Variants in NRG3 observed in about 807,000 individuals in gnomAD.
NRG3 encodes the protein pro-neuregulin-3, membrane-bound isoform.
NRG3 carries 31 observed loss-of-function variants against 66.9 expected under a neutral mutation model. The ratio of observed to expected loss-of-function variants is 0.46; its 90% CI spans 0.35 to 0.63. The LOEUF (loss-of-function observed/expected upper bound fraction) is 0.63. Among genes scored for constraint, NRG3 ranks in the 20% least tolerant of loss-of-function variants. The pLI is 0.00. For synonymous variants in NRG3, 393 were observed against 359.4 expected (o/e 1.09, Z -1.06); for missense variants, 910 against 878.9 (o/e 1.04, Z -0.45).
rs1852591397 is a variant in NRG3, at chr10:82,979,136, G to A, written c.1583+16G>A. The A allele has an allele frequency of 2.5e-6, 4 of 1,612,672 alleles. No homozygotes were observed. The highest frequency in any genetic ancestry group is 1.7e-5 in the Admixed American group (1 of 59,918). On this transcript the variant is annotated intron_variant, in intron 8 of 8. Transcript: ENST00000372141. ...CTTGCCAAGGGTAGGTCTTAAAACA[G>A]CAGTGGAATTTAGGGAGGGTGTCTT...
At chr10:82,445,269 A>C (rs1396454370) in intron 2 of NRG3, among the ~76,000 whole-genome samples, 1 of 152,136 alleles carries the variant, frequency 6.6e-6, no homozygotes, top group Non-Finnish European at 1.5e-5. Context: ...TGGTCAGCCC[A>C]AGTACCCACA....
At chr10:82,113,748 G>A (rs2067531272) in intron 1 of NRG3, among the ~76,000 whole-genome samples, 1 of 152,090 alleles carries the variant, frequency 6.6e-6, no homozygotes, top group African/African-American at 2.4e-5. Flanking sequence ...GTTAATTTTA[G>A]GGGAAGCAAG....
rs756142257 is a variant in NRG3 at position 82,985,491 on chromosome 10, C to G, written c.1977C>G (p.Asp659Glu). The G allele has an allele frequency of 6.2e-7, 1 of 1,613,924 alleles. No homozygotes were observed. The highest frequency in any genetic ancestry group is 1.3e-5 in the African/African-American group (1 of 74,902). The change falls in exon 9 of 9, where the codon GAC becomes GAG. Residue 659 changes from aspartate to glutamate, a missense_variant. Physicochemically the swap from Asp to Glu is conservative, Grantham distance 45. Coordinates refer to ENST00000372141, the MANE Select transcript of NRG3 (RefSeq NM_001010848.4). ...AACTGGCCAGCGTAGAAACCGAGGA[C>G]AGTGCAAGCGAAAACACAGCCTTTC... Reference protein sequence around the residue: ...DYELASVETEDSASENTAFLP... With the variant: ...DYELASVETEESASENTAFLP...
rs779040062 is a variant in NRG3, at chr10:82,405,454, G to GTTTTTTTTTTTTTTTTT, written c.953+46589_953+46590insTTTTTTTTTTTTTTTTT. 2.1e-5 allele frequency among the ~76,000 whole-genome samples: 3 copies of GTTTTTTTTTTTTTTTTT among 139,920 alleles called. 1 individual carries two copies. Among genetic ancestry groups the GTTTTTTTTTTTTTTTTT allele is most frequent in the Non-Finnish European group, 3.0e-5 (2 of 66,730 alleles). The allele number at this position is 139,920 out of a possible 152,430, so 91.8% of individuals were successfully genotyped here. On this transcript the variant is annotated intron_variant, in intron 2 of 8. Coordinates refer to ENST00000372141, the MANE Select transcript of NRG3 (RefSeq NM_001010848.4). ...TTCTATCTTTGGAATGATCTCAGTA[G>GTTTTTTTTTTTTTTTTT]TTTGTTTTTTTTTTTTTTGAAATGG...
At chr10:82,353,804 T>G (rs958038748) in intron 1 of NRG3, among the ~76,000 whole-genome samples, 11 of 152,056 alleles carry the variant, frequency 7.2e-5, no homozygotes, top group African/African-American at 2.7e-4. Context: ...AACACTCCTT[T>G]ATTCTTCCTG....
At chr10:82,271,578 T>C (rs2078600120) in intron 1 of NRG3, among the ~76,000 whole-genome samples, 1 of 152,032 alleles carries the variant, frequency 6.6e-6, no homozygotes, top group Admixed American at 6.6e-5. Context: ...CATAATGTCA[T>C]GAAGTGTCTA....
chr10:82,740,239 T>TCCTC lies in NRG3; in HGVS notation c.1027+1601_1027+1604dup, dbSNP rs200229560. On this transcript the variant is annotated intron_variant, in intron 3 of 8. Coordinates refer to ENST00000372141, the MANE Select transcript of NRG3 (RefSeq NM_001010848.4). The stretch of plus-strand genomic sequence containing the variant: ...TTCTTTCTTTCCTTTCTTCCTTCCT[T>TCCTC]CCTCCCTCCCTCCCTTCTTTCCTGT... 1.6e-4 allele frequency among the ~76,000 whole-genome samples: 24 copies of TCCTC among 150,922 alleles called. 1 individual carries two copies. Among genetic ancestry groups the TCCTC allele is most frequent in the African/African-American group, 5.6e-4 (23 of 40,784 alleles).
At chr10:81,925,877 C>T (rs940764059) in intron 1 of NRG3, among the ~76,000 whole-genome samples, 11 of 152,014 alleles carry the variant, frequency 7.2e-5, no homozygotes, top group Admixed American at 2.0e-4. Flanking sequence ...ATGCTGAGCC[C>T]TGATTAAACA....
rs1221761399 is a variant in NRG3, at chr10:82,132,515, T to A, written c.824-226224T>A. Among the ~76,000 whole-genome samples the A allele has an allele frequency of 2.5e-3, 27 of 10,768 alleles. 1 individual carries two copies. The highest frequency in any genetic ancestry group is 6.9e-3 in the South Asian group (4 of 580). The allele number at this position is 10,768 out of a possible 152,430, so 7.1% of individuals were successfully genotyped here. On this transcript the variant is annotated intron_variant, in intron 1 of 8. Coordinates refer to ENST00000372141, the MANE Select transcript of NRG3 (RefSeq NM_001010848.4). ...ATGATATATATATATCATATATATA[T>A]GATATATATGATATATATATGATAT...
chr10:82,800,783 A>T (rs2061001759), intron 3 of NRG3, among the ~76,000 whole-genome samples: 3 of 152,178 alleles, frequency 2.0e-5, no homozygotes. Flanking sequence ...TCTAAATGTG[A>T]CTAGGAGTCT....
At chr10:82,916,490 C>A (rs1029259085) in intron 4 of NRG3, among the ~76,000 whole-genome samples, 2 of 152,218 alleles carry the variant, frequency 1.3e-5, no homozygotes, top group South Asian at 2.1e-4. Context: ...ATAAAAATTT[C>A]TGTACAGCAA....
chr10:82,561,927 T>C (rs1365491958), intron 2 of NRG3, among the ~76,000 whole-genome samples: 1 of 152,196 alleles, frequency 6.6e-6, no homozygotes, highest in Non-Finnish European at 1.5e-5. Flanking sequence ...GGGTAGGGCA[T>C]AGAACTATAT....
chr10:82,693,887 C>G (rs764321541), intron 2 of NRG3, among the ~76,000 whole-genome samples: 1 of 152,166 alleles, frequency 6.6e-6, no homozygotes, highest in Non-Finnish European at 1.5e-5. Context: ...GAAGGAGACC[C>G]GAGTGGGTTG....
At chr10:82,825,060 G>T (rs693467) in intron 3 of NRG3, among the ~76,000 whole-genome samples, 1 of 151,912 alleles carries the variant, frequency 6.6e-6, no homozygotes, top group Non-Finnish European at 1.5e-5. Context: ...TATGTATTAT[G>T]CATCCAAGTC....
intron 2 of NRG3, among the ~76,000 whole-genome samples, chr10:82,375,881 A>G (rs2085199383): frequency 6.6e-6 from 1 of 152,236 alleles, no homozygotes. Context: ...TTTGTATCAA[A>G]GAAAAGTGGA....
At chr10:82,554,309 G>A (rs1380041125) in intron 2 of NRG3, among the ~76,000 whole-genome samples, 9 of 152,080 alleles carry the variant, frequency 5.9e-5, no homozygotes, top group Non-Finnish European at 5.9e-5. Flanking sequence ...AATTATCAAC[G>A]TTTGAGGTAA....
chr10:82,132,942 A>G (rs2069043357), intron 1 of NRG3, among the ~76,000 whole-genome samples: 1 of 151,660 alleles, frequency 6.6e-6, no homozygotes, highest in Non-Finnish European at 1.5e-5. Context: ...TCTCTGATTT[A>G]TTTGGATCTT....
intron 1 of NRG3, among the ~76,000 whole-genome samples, chr10:82,273,122 T>C (rs73306615): frequency 0.016 from 2,506 of 152,198 alleles, 70 homozygotes; most frequent in African/African-American, 0.057. Flanking sequence ...TTATTTCTCT[T>C]CTTTTATTAT....
intron 2 of NRG3, among the ~76,000 whole-genome samples, chr10:82,543,457 C>A (rs923160748): frequency 6.6e-6 from 1 of 152,136 alleles, no homozygotes; most frequent in African/African-American, 2.4e-5. Flanking sequence ...ATTTATCTGT[C>A]CATCTGTCCA....
Sources: gnomAD v4.1 joint callset for allele counts (sites outside exome capture counted in the v4.1 genomes callset) on GRCh38, gnomAD v4.1.1 for gene constraint, MANE v1.5 for transcripts, NCBI Gene and HGNC (gene_info 2026-07-23, HGNC 2026-07-21) for gene names.